The following MCC variants were observed in gnomAD, a reference collection of about 807,000 sequenced individuals.
MCC encodes the protein colorectal mutant cancer protein.
Under a neutral mutation model 116.2 loss-of-function variants are expected in MCC, and 90 were observed. The observed-to-expected ratio is 0.77, with a 90% CI of 0.65 to 0.92. The LOEUF is 0.92. Ranked by LOEUF, MCC falls within the 40% of genes least tolerant of loss-of-function variation. The pLI is 0.00. For missense variants in MCC, 1,516 were observed against 1,312.2 expected (o/e 1.16, Z -2.40); for synonymous variants, 578 against 510.5 (o/e 1.13, Z -1.78).
At chr5:113,355,065 A>G (rs1235793663) in intron 2 of MCC, among the ~76,000 whole-genome samples, 1 of 152,240 alleles carries the variant, frequency 6.6e-6, no homozygotes, top group East Asian at 1.9e-4. Flanking sequence ...ATACTATGTT[A>G]AAAAATAGTG....
chr5:113,322,091 C>G (rs2150371546), intron 3 of MCC, among the ~76,000 whole-genome samples: 1 of 152,242 alleles, frequency 6.6e-6, no homozygotes, highest in South Asian at 2.1e-4. Flanking sequence ...CTCGGGCTCC[C>G]AAAGTGCTGG....
rs1331043786 is a variant in MCC at position 113,024,450 on chromosome 5, A to G, written c.*2852T>C. On this transcript the variant is annotated 3_prime_UTR_variant, in exon 19 of 19. Transcript: ENST00000408903. ...TTGGTTTTGTTTGCCTCAGTCCAAC[A>G]ATGGGAAATATATTCCAAGGGAACT... is the stretch of plus-strand genomic sequence containing the variant. 1 of 152,212 alleles carries G rather than the reference A, an allele frequency of 6.6e-6. No homozygotes were observed. The highest frequency in any genetic ancestry group is 2.4e-5 in the African/African-American group (1 of 41,448). The allele number at this position is 152,212 out of a possible 1,614,324, so 9.4% of individuals were successfully genotyped here.
At chr5:113,459,964 TC>T (rs1214494958) in intron 1 of MCC, among the ~76,000 whole-genome samples, 3 of 152,054 alleles carry the variant, frequency 2.0e-5, no homozygotes, top group Non-Finnish European at 1.5e-5. Context: ...GGGCAAGGAA[TC>T]AAGCTGGAAA....
chr5:113,137,473 G>C (rs904720200), intron 5 of MCC, among the ~76,000 whole-genome samples: 13 of 152,066 alleles, frequency 8.5e-5, no homozygotes, highest in African/African-American at 3.1e-4. Flanking sequence ...CCTTGATTCT[G>C]TTAATGTGGT....
chr5:113,459,462 C>CAGGAGGT (rs1484629110), intron 1 of MCC, among the ~76,000 whole-genome samples: 1 of 151,424 alleles, frequency 6.6e-6, no homozygotes, highest in Admixed American at 6.6e-5. Flanking sequence ...GGCATGAACC[C>CAGGAGGT]AGGAGGTAGA....
chr5:113,159,023 G>A (rs1177275275), intron 3 of MCC, among the ~76,000 whole-genome samples: 1 of 152,148 alleles, frequency 6.6e-6, no homozygotes, highest in Non-Finnish European at 1.5e-5. Flanking sequence ...GGGTTTTCGT[G>A]ATGGCAGCAC....
At chr5:113,315,992 C>T (rs1327621037) in intron 3 of MCC, among the ~76,000 whole-genome samples, 2 of 152,068 alleles carry the variant, frequency 1.3e-5, no homozygotes, top group South Asian at 4.2e-4. Context: ...GGCATGGTGG[C>T]TCACACCTGT....
intron 3 of MCC, among the ~76,000 whole-genome samples, chr5:113,276,782 A>G (rs931900946): frequency 2.7e-5 from 4 of 148,422 alleles, no homozygotes; most frequent in Non-Finnish European, 5.9e-5. Context: ...ACTCGTCACC[A>G]CACCCAACTA....
intron 3 of MCC, among the ~76,000 whole-genome samples, chr5:113,185,883 G>C (rs1306852212): frequency 2.6e-5 from 4 of 152,160 alleles, no homozygotes; most frequent in Admixed American, 2.6e-4. Context: ...AAATGAATGA[G>C]GAGGTCACCC....
In MCC at chr5:113,063,992, G is replaced by C; in HGVS notation, c.2205C>G (p.Ser735Arg). 6.2e-7 allele frequency: 1 copy of C among 1,612,288 alleles called. No homozygotes were observed. ...AGAAGGCTGAGCATTACCTGGTGTG[G>C]CTGTTGGAGGAAAGGCTCTCCCAGG... is the stretch of plus-strand genomic sequence containing the variant. ...VQPWESLSSN[S>R]HTSTTSSTAS... The change falls in exon 14 of 19, where the codon AGC becomes AGG. Residue 735 changes from serine (S) to arginine (R), a missense_variant. Ser to Arg is a moderately radical substitution (Grantham distance 110). Coordinates refer to ENST00000408903, the MANE Select transcript of MCC (RefSeq NM_001085377.2).
chr5:113,128,609 G>C (rs969705214), intron 5 of MCC, among the ~76,000 whole-genome samples: 6 of 152,076 alleles, frequency 3.9e-5, no homozygotes, highest in Middle Eastern at 3.2e-3. Flanking sequence ...TTGAACAAAT[G>C]GGATTTTGAA....
At chr5:113,336,131 G>A (rs1345419964) in intron 3 of MCC, among the ~76,000 whole-genome samples, 1 of 151,182 alleles carries the variant, frequency 6.6e-6, no homozygotes, top group Non-Finnish European at 1.5e-5. Context: ...AGAGAGAGAG[G>A]AACCTGTCCT....
chr5:113,053,852 T>G lies in MCC; in HGVS notation c.2321A>C (p.Lys774Thr). 3.7e-6 allele frequency: 6 copies of G among 1,614,180 alleles called. No homozygotes were observed. The highest frequency in any genetic ancestry group is 5.1e-6 in the Non-Finnish European group (6 of 1,180,032). ...QQLKNDRAAV[K>T]LTMLELESIH... ...GCTTTCCAGCTCCAGCATGGTCAGC[T>G]TGACCGCAGCCCTGTCATTCTTGAG... Residue 774 changes from lysine to threonine, a missense_variant, in exon 15 of 19, where the codon AAG becomes ACG. Lys to Thr is a moderately conservative substitution (Grantham distance 78). Coordinates refer to ENST00000408903, the MANE Select transcript of MCC (RefSeq NM_001085377.2).
At chr5:113,431,763 AG>A (rs34082350) in intron 1 of MCC, among the ~76,000 whole-genome samples, 8,499 of 40,530 alleles carry the variant, frequency 0.21, 810 homozygotes, top group African/African-American at 0.3. Flanking sequence ...TGGGAGGCCA[AG>A]GGGGGGGGGG....
intron 7 of MCC, among the ~76,000 whole-genome samples, chr5:113,102,253 T>C (rs1756466155): frequency 6.6e-6 from 1 of 152,212 alleles, no homozygotes; most frequent in Non-Finnish European, 1.5e-5. Flanking sequence ...CAATGCTTAT[T>C]TCCTTCACTT....
Position 113,122,673 on chromosome 5 carries a change from G to A in MCC, c.1027+11C>T. 1.2e-6 allele frequency: 2 copies of A among 1,613,580 alleles called. No homozygotes were observed. The highest frequency in any genetic ancestry group is 1.7e-6 in the Non-Finnish European group (2 of 1,179,656). ...AAACTCTGGCTTGGTGGCAAGGGCA[G>A]GCAGACTCACCCATGTCAGCAGTAA... On this transcript the variant is annotated intron_variant, in intron 6 of 18. Coordinates refer to ENST00000408903, the MANE Select transcript of MCC (RefSeq NM_001085377.2).
intron 3 of MCC, among the ~76,000 whole-genome samples, chr5:113,301,593 G>A (rs1250118539): frequency 1.3e-5 from 2 of 152,146 alleles, no homozygotes; most frequent in Admixed American, 1.3e-4. Context: ...GCTATGATAG[G>A]GGAGAGTAGG....
intron 8 of MCC, among the ~76,000 whole-genome samples, chr5:113,087,078 C>T (rs554620728): frequency 5.9e-5 from 9 of 152,300 alleles, no homozygotes; most frequent in Middle Eastern, 3.4e-3. Context: ...CCAGCCCTGC[C>T]GCCAAAAGTC....
In MCC at chr5:113,425,771, G is replaced by T. The variant is rs190421107; in HGVS notation, c.171-40559C>A. ...TGGCCTAGGGTAGGTGGACAGACGA[G>T]TGTTGTTTTTCATTAGGGATTTTGA... On this transcript the variant is annotated intron_variant, in intron 1 of 18. Transcript: ENST00000408903. 1.5e-3 allele frequency among the ~76,000 whole-genome samples: 235 copies of T among 152,174 alleles called. 6 individuals are homozygous for T. The East Asian group carries it at 0.02, about 13-fold the overall frequency.
Sources: allele counts gnomAD v4.1 joint callset (sites outside exome capture counted in the v4.1 genomes callset), GRCh38; gene constraint gnomAD v4.1.1; transcripts MANE v1.5; gene names NCBI Gene and HGNC (gene_info 2026-07-23, HGNC 2026-07-21).